Variants in CCSER1 observed in about 807,000 individuals in gnomAD.
CCSER1 encodes the protein coiled-coil serine rich protein 1, also known as serine-rich coiled-coil domain-containing protein 1.
In CCSER1, 41 loss-of-function variants were observed where a neutral mutation model predicts 82.0. That is an observed-to-expected ratio of 0.50 (90% CI 0.39 to 0.65). The LOEUF (loss-of-function observed/expected upper bound fraction) is 0.65, where lower values mean the gene tolerates loss of function less well. Among genes scored for constraint, CCSER1 ranks in the 30% least tolerant of loss-of-function variants. The pLI is 0.00. For synonymous variants in CCSER1, 414 were observed against 383.9 expected (o/e 1.08, Z -0.92); for missense variants, 1,119 against 1,064.2 (o/e 1.05, Z -0.72).
At chr4:90,267,908 G>T (rs1725528656) in intron 1 of CCSER1, among the ~76,000 whole-genome samples, 1 of 152,108 alleles carries the variant, frequency 6.6e-6, no homozygotes, top group Non-Finnish European at 1.5e-5. Context: ...CAAGGGAATA[G>T]AAACAAATAA....
In CCSER1 at chr4:90,533,939, A is replaced by G. The variant is rs556174434; in HGVS notation, c.1724+65585A>G. ...ATCATGTCAGGTGCTTTAACAAAGAATATCCCATTTACCCTTCAGAATAAT... is the reference window on the plus strand; with the variant it reads ...ATCATGTCAGGTGCTTTAACAAAGAGTATCCCATTTACCCTTCAGAATAAT... On this transcript the variant is annotated intron_variant, in intron 5 of 10. Coordinates refer to ENST00000509176, the MANE Select transcript of CCSER1 (RefSeq NM_001145065.2). Among the ~76,000 whole-genome samples, 97 of 152,342 alleles carry G rather than the reference A, an allele frequency of 6.4e-4. 1 individual carries two copies. The highest frequency in any genetic ancestry group is 4.4e-5 in the Non-Finnish European group (3 of 68,034).
intron 1 of CCSER1, among the ~76,000 whole-genome samples, chr4:90,183,458 T>TAA (rs759063022): frequency 5.3e-5 from 8 of 152,106 alleles, no homozygotes; most frequent in Non-Finnish European, 7.4e-5. Flanking sequence ...AACAACTTAG[T>TAA]GAAGTTACCT....
At chr4:91,453,994 A>G (rs116826249) in intron 10 of CCSER1, among the ~76,000 whole-genome samples, 138 of 152,214 alleles carry the variant, frequency 9.1e-4, no homozygotes, top group South Asian at 1.0e-3. Flanking sequence ...AATAAATATC[A>G]CTAGAACAGC....
chr4:90,284,092 A>T (rs1384123197), intron 1 of CCSER1, among the ~76,000 whole-genome samples: 2 of 152,050 alleles, frequency 1.3e-5, no homozygotes, highest in East Asian at 3.9e-4. Flanking sequence ...AGCAATTTTC[A>T]TATACCAGTA....
intron 10 of CCSER1, among the ~76,000 whole-genome samples, chr4:91,260,831 G>T (rs1388640063): frequency 6.6e-6 from 1 of 152,040 alleles, no homozygotes; most frequent in African/African-American, 2.4e-5. Flanking sequence ...CGCGATCTCG[G>T]CTCACTGCAA....
chr4:90,607,842 G>A (rs979804449), intron 5 of CCSER1, among the ~76,000 whole-genome samples: 6 of 151,994 alleles, frequency 3.9e-5, no homozygotes, highest in African/African-American at 1.4e-4. Context: ...AATTCAACTT[G>A]CCTTTTCCCT....
At chr4:91,081,162 A>C (rs571074536) in intron 9 of CCSER1, among the ~76,000 whole-genome samples, 1 of 152,318 alleles carries the variant, frequency 6.6e-6, no homozygotes, top group South Asian at 2.1e-4. Flanking sequence ...ATCCTCAATA[A>C]CATACTGGAA....
intron 1 of CCSER1, among the ~76,000 whole-genome samples, chr4:90,224,301 T>C (rs1454911430): frequency 2.0e-5 from 3 of 152,186 alleles, no homozygotes; most frequent in Non-Finnish European, 4.4e-5. Flanking sequence ...CCCCTTTCTA[T>C]TATCATTGCT....
chr4:90,500,824 A>G (rs1398064182), intron 5 of CCSER1, among the ~76,000 whole-genome samples: 2 of 152,268 alleles, frequency 1.3e-5, no homozygotes, highest in East Asian at 1.9e-4. Flanking sequence ...TATGCCCAAT[A>G]TAGGAAATTA....
chr4:91,054,708 T>C (rs1283687562), intron 9 of CCSER1, among the ~76,000 whole-genome samples: 2 of 152,102 alleles, frequency 1.3e-5, no homozygotes, highest in South Asian at 2.1e-4. Context: ...TGAGATTTTT[T>C]TTTGGGGCGG....
intron 8 of CCSER1, among the ~76,000 whole-genome samples, chr4:90,902,819 AG>A (rs1724861001): frequency 6.6e-6 from 1 of 151,982 alleles, no homozygotes; most frequent in South Asian, 2.1e-4. Flanking sequence ...GATGAGTGGA[AG>A]CACCTGCCCT....
chr4:90,136,778 C>A (rs1312462414), intron 1 of CCSER1, among the ~76,000 whole-genome samples: 1 of 152,058 alleles, frequency 6.6e-6, no homozygotes, highest in Non-Finnish European at 1.5e-5. Flanking sequence ...GTGAGTGCTT[C>A]TTGATAATAG....
At chr4:91,082,741 G>C (rs1048048161) in intron 9 of CCSER1, among the ~76,000 whole-genome samples, 8 of 151,982 alleles carry the variant, frequency 5.3e-5, no homozygotes, top group Admixed American at 3.9e-4. Context: ...CCATCAAAAA[G>C]TGGGCGAAGG....
chr4:91,481,642 A>T (rs2110045135), intron 10 of CCSER1, among the ~76,000 whole-genome samples: 1 of 152,340 alleles, frequency 6.6e-6, no homozygotes, highest in Middle Eastern at 3.4e-3. Context: ...TCTACAAATG[A>T]AACTATTGGA....
chr4:91,467,083 T>A, intron 10 of CCSER1, among the ~76,000 whole-genome samples: 1 of 152,174 alleles, frequency 6.6e-6, no homozygotes, highest in Admixed American at 6.5e-5. Flanking sequence ...GCTGGAGGCA[T>A]CATGCTACCT....
At chr4:91,321,138 G>T (rs1318555552) in intron 10 of CCSER1, among the ~76,000 whole-genome samples, 1 of 152,010 alleles carries the variant, frequency 6.6e-6, no homozygotes, top group Non-Finnish European at 1.5e-5. Flanking sequence ...AGAATAAGAG[G>T]ATAAACTTGA....
At chr4:90,324,445 T>G (rs934489146) in intron 3 of CCSER1, among the ~76,000 whole-genome samples, 76 of 147,738 alleles carry the variant, frequency 5.1e-4, no homozygotes, top group Non-Finnish European at 7.6e-4. Context: ...TTTTCATGTG[T>G]TTTTTGGCTG....
intron 1 of CCSER1, among the ~76,000 whole-genome samples, chr4:90,297,458 C>T (rs1732186123): frequency 6.6e-6 from 1 of 152,046 alleles, no homozygotes; most frequent in South Asian, 2.1e-4. Flanking sequence ...GTTTGACTTC[C>T]TCTTTTCCTA....
In CCSER1 at chr4:91,601,410, T is replaced by C. The variant is rs1236232798; in HGVS notation, c.*2353T>C. The C allele has an allele frequency of 6.6e-6, 1 of 152,098 alleles. No homozygotes were observed. Among genetic ancestry groups the C allele is most frequent in the Non-Finnish European group, 1.5e-5 (1 of 67,976 alleles). The allele number at this position is 152,098 out of a possible 1,614,324, so 9.4% of individuals were successfully genotyped here. ...AGTATTTTCAACATTGTTATAATAT[T>C]ATTTGTAATACTAAGTGTAACTCAG... is the stretch of plus-strand genomic sequence containing the variant. On this transcript the variant is annotated 3_prime_UTR_variant, in exon 11 of 11. Coordinates refer to ENST00000509176, the MANE Select transcript of CCSER1 (RefSeq NM_001145065.2).
Sources: gnomAD v4.1 joint callset for allele counts (sites outside exome capture counted in the v4.1 genomes callset) on GRCh38, gnomAD v4.1.1 for gene constraint, MANE v1.5 for transcripts, NCBI Gene and HGNC (gene_info 2026-07-23, HGNC 2026-07-21) for gene names.